The following TCAIM variants were observed in gnomAD, a reference collection of about 807,000 sequenced individuals.
TCAIM encodes T cell activation inhibitor, mitochondrial, also known as T-cell activation inhibitor, mitochondrial.
A neutral mutation model predicts 58.6 loss-of-function variants in TCAIM; 36 were observed. That is an observed-to-expected ratio of 0.61 (90% confidence interval 0.47 to 0.81). TCAIM has a LOEUF of 0.81. Ranked by LOEUF, TCAIM falls within the 30% of genes least tolerant of loss-of-function variation. TCAIM has a pLI of 0.00. For missense variants in TCAIM, 466 were observed against 579.6 expected (o/e 0.80, Z 2.01); for synonymous variants, 172 against 193.6 (o/e 0.89, Z 0.93).
chr3:44,391,176 C>T (rs1190687261), intron 5 of TCAIM: 4 of 152,090 alleles, frequency 2.6e-5, no homozygotes, highest in Non-Finnish European at 4.4e-5. Flanking sequence ...CCTTCTAATC[C>T]TTAAAGACTT....
intron 5 of TCAIM, among the ~76,000 whole-genome samples, chr3:44,381,156 A>T (rs796860346): frequency 6.6e-6 from 1 of 152,176 alleles, no homozygotes; most frequent in Non-Finnish European, 1.5e-5. Flanking sequence ...CAAAGACACT[A>T]CAAGAAAAGA....
chr3:44,370,208 A>G (rs963535268), intron 5 of TCAIM, among the ~76,000 whole-genome samples: 8 of 152,110 alleles, frequency 5.3e-5, no homozygotes, highest in Non-Finnish European at 1.0e-4. Flanking sequence ...ATAGCAACAT[A>G]AAAAATGCCT....
chr3:44,396,376 T>C, intron 6 of TCAIM, 24 bp from the exon 7 acceptor site: 2 of 1,598,914 alleles, frequency 1.3e-6, no homozygotes, highest in Non-Finnish European at 1.7e-6. Context: ...CTTGTTAACA[T>C]GAGTGTGTGC....
At chr3:44,358,729 T>C in intron 3 of TCAIM, 1 of 986,156 alleles carries the variant, frequency 1.0e-6, no homozygotes, top group South Asian at 4.7e-5. Flanking sequence ...GGGACTGCTA[T>C]GTATTACAAA....
At chr3:44,351,057 C>T (rs1297470768) in intron 1 of TCAIM, among the ~76,000 whole-genome samples, 1 of 152,186 alleles carries the variant, frequency 6.6e-6, no homozygotes, top group African/African-American at 2.4e-5. Context: ...CCAGGCAGTG[C>T]AATGGTGCGA....
At chr3:44,374,340 G>A (rs1701531106) in intron 5 of TCAIM, among the ~76,000 whole-genome samples, 1 of 149,014 alleles carries the variant, frequency 6.7e-6, no homozygotes, top group Non-Finnish European at 1.5e-5. Flanking sequence ...CTAGTAGTAA[G>A]TTTAAGTATT....
rs765322319 is a variant in TCAIM at position 44,401,348 on chromosome 3, GTCT to G, written c.1250+18_1250+20del. 6.2e-7 allele frequency: 1 copy of G among 1,613,138 alleles called. No homozygotes were observed. Among genetic ancestry groups the G allele is most frequent in the Admixed American group, 1.7e-5 (1 of 59,960 alleles). On this transcript the variant is annotated intron_variant, in intron 10 of 10. Transcript: ENST00000342649. ...AAGAAAGGAAGAGTAAGTACTGCCA[GTCT>G]TCTGTAAAGTCAGATCATTCAGTCT... is the stretch of plus-strand genomic sequence containing the variant.
At chr3:44,369,108 G>A (rs1701424345) in intron 5 of TCAIM, among the ~76,000 whole-genome samples, 2 of 152,154 alleles carry the variant, frequency 1.3e-5, no homozygotes. Flanking sequence ...AAACAGAAGA[G>A]ATAATTTAAG....
chr3:44,391,184 C>CT lies in TCAIM; in HGVS notation c.573-1659dup, dbSNP rs768241564. 3.1e-3 allele frequency: 459 copies of CT among 146,156 alleles called. 1 individual carries two copies. The highest frequency in any genetic ancestry group is 6.0e-3 in the African/African-American group (239 of 40,048). The allele number at this position is 146,156 out of a possible 1,614,324, so 9.1% of individuals were successfully genotyped here. A position where few individuals can be genotyped will look rare whatever the true frequency, so the allele number is the denominator to read the frequency against. On this transcript the variant is annotated intron_variant, in intron 5 of 10. Coordinates refer to ENST00000342649, the MANE Select transcript of TCAIM (RefSeq NM_173826.4). The stretch of plus-strand genomic sequence containing the variant: ...AGCTATCCCTTCTAATCCTTAAAGA[C>CT]TTTTTTTTTTTTGTAATTTTTAGAT...
intron 5 of TCAIM, among the ~76,000 whole-genome samples, chr3:44,387,091 T>C (rs892315810): frequency 6.6e-6 from 1 of 152,186 alleles, no homozygotes; most frequent in Non-Finnish European, 1.5e-5. Flanking sequence ...CATGCTGACA[T>C]TGGGACTACC....
At chr3:44,388,229 T>A (rs959268107) in intron 5 of TCAIM, among the ~76,000 whole-genome samples, 2 of 152,130 alleles carry the variant, frequency 1.3e-5, no homozygotes, top group South Asian at 4.1e-4. Context: ...CCCAGAGATA[T>A]TATTCAAATG....
At position 44,343,585 on chromosome 3, in the gene TCAIM, A is replaced by G. The variant is rs563965028; in HGVS notation, c.-45+4751A>G. 5.9e-5 allele frequency among the ~76,000 whole-genome samples: 9 copies of G among 152,288 alleles called. No homozygotes were observed. In the East Asian group the frequency reaches 1.4e-3, roughly 23 times the overall value. ...GGTATGTTAAGCTTAACACATCTCT[A>G]TTTAGACTAACCACATTTCAAGTGC... On this transcript the variant is annotated intron_variant, in intron 1 of 10. Transcript: ENST00000342649.
intron 1 of TCAIM, among the ~76,000 whole-genome samples, chr3:44,349,243 A>G (rs759626128): frequency 5.3e-5 from 8 of 152,174 alleles, no homozygotes; most frequent in Non-Finnish European, 1.2e-4. Context: ...CGACGTGTAA[A>G]AGAATGCCTG....
chr3:44,366,690 T>A (rs1490529933), intron 4 of TCAIM, among the ~76,000 whole-genome samples: 1 of 151,502 alleles, frequency 6.6e-6, no homozygotes, highest in Non-Finnish European at 1.5e-5. Flanking sequence ...ATAGTCTCGA[T>A]CTCCTGACCT....
At chr3:44,396,250 C>A in intron 6 of TCAIM, 150 bp from the exon 7 acceptor site, 1 of 567,924 alleles carries the variant, frequency 1.8e-6, no homozygotes, top group Non-Finnish European at 2.9e-6. Flanking sequence ...AATTAGCTAG[C>A]TTAGAAACAT....
chr3:44,390,933 A>T (rs1701823870), intron 5 of TCAIM, among the ~76,000 whole-genome samples: 1 of 152,150 alleles, frequency 6.6e-6, no homozygotes, highest in Admixed American at 6.5e-5. Flanking sequence ...GCCCAGAGTC[A>T]CTTTACCATT....
intron 6 of TCAIM, 34 bp downstream of exon 6, chr3:44,393,011 GAA>G: frequency 6.3e-7 from 1 of 1,579,636 alleles, no homozygotes; most frequent in South Asian, 1.2e-5. Flanking sequence ...TTTAGAAATT[GAA>G]ATGAATATGA....
intron 6 of TCAIM, among the ~76,000 whole-genome samples, chr3:44,393,230 G>A (rs1701867912): frequency 6.6e-6 from 1 of 152,058 alleles, no homozygotes; most frequent in Non-Finnish European, 1.5e-5. Context: ...GGCCAAGGTG[G>A]GAGGATCGCT....
At chr3:44,406,947 A>T (rs997650542) in intron 10 of TCAIM, among the ~76,000 whole-genome samples, 1 of 152,134 alleles carries the variant, frequency 6.6e-6, no homozygotes, top group Non-Finnish European at 1.5e-5. Context: ...GAGGGGAGGG[A>T]ACAGACAGGG....
Sources: gnomAD v4.1 joint callset for allele counts (sites outside exome capture counted in the v4.1 genomes callset) on GRCh38, gnomAD v4.1.1 for gene constraint, MANE v1.5 for transcripts, NCBI Gene and HGNC (gene_info 2026-07-23, HGNC 2026-07-21) for gene names.